Variants in ANKRD27 observed in about 807,000 individuals in gnomAD.
ANKRD27 encodes the protein ankyrin repeat domain-containing protein 27.
ANKRD27 carries 112 observed loss-of-function variants against 129.7 expected under a neutral mutation model. The ratio of observed to expected loss-of-function variants is 0.86; its 90% CI spans 0.74 to 1.01. ANKRD27 has a LOEUF of 1.01. Among genes scored for constraint, ANKRD27 ranks in the 50% least tolerant of loss-of-function variants. The pLI is 0.00. For missense variants in ANKRD27, 1,258 were observed against 1,300.5 expected (o/e 0.97, Z 0.50); for synonymous variants, 516 against 511.2 (o/e 1.01, Z -0.13).
intron 23 of ANKRD27, among the ~76,000 whole-genome samples, chr19:32,607,043 G>A (rs982419806): frequency 6.7e-6 from 1 of 149,694 alleles, no homozygotes; most frequent in Non-Finnish European, 1.5e-5. Context: ...GCTGAGATGG[G>A]AGGATTGTTT....
At chr19:32,670,145 G>C (rs1313312908) in intron 1 of ANKRD27, among the ~76,000 whole-genome samples, 1 of 152,182 alleles carries the variant, frequency 6.6e-6, no homozygotes, top group Non-Finnish European at 1.5e-5. Context: ...AAAACATGCA[G>C]GTCACATGCA....
chr19:32,631,271 G>C, intron 13 of ANKRD27, 131 bp downstream of exon 13: 2 of 776,898 alleles, frequency 2.6e-6, no homozygotes, highest in Non-Finnish European at 4.3e-6. Flanking sequence ...CACCCACCTC[G>C]GCCTCCCAAA....
chr19:32,598,261 G>A lies in ANKRD27; in HGVS notation c.3037C>T (p.Pro1013Ser). ...CTCCGCAGCATCCGTCTGTGTCCAG[G>A]GCCAGTCTGTGTCAGTCCAGGCCTC... The part of the protein sequence containing the change: ...PERPGLTQTG[P>S]GHRRMLRRHT... The change falls in exon 29 of 29, where the codon CCT (proline) becomes TCT (serine). Residue 1013 changes from proline to serine, a missense_variant. Pro to Ser is a moderately conservative substitution (Grantham distance 74, BLOSUM62 -1). Coordinates refer to ENST00000306065, the MANE Select transcript of ANKRD27 (RefSeq NM_032139.3). 1 of 1,614,134 alleles carries A rather than the reference G, an allele frequency of 6.2e-7. No homozygotes were observed. Among genetic ancestry groups the A allele is most frequent in the Non-Finnish European group, 8.5e-7 (1 of 1,180,032 alleles).
chr19:32,666,330 C>T (rs1245872381), intron 1 of ANKRD27: 1 of 152,206 alleles, frequency 6.6e-6, no homozygotes, highest in African/African-American at 2.4e-5. Context: ...TGGAACACAC[C>T]TACCACTACC....
At chr19:32,635,423 C>T (rs35256798) in intron 12 of ANKRD27, among the ~76,000 whole-genome samples, 3,650 of 152,314 alleles carry the variant, frequency 0.024, 68 homozygotes, top group East Asian at 0.11. Context: ...GATCTGCACA[C>T]ACGCATAGGT....
At position 32,619,479 on chromosome 19, in the gene ANKRD27, G is replaced by A. The variant is rs1971974876; in HGVS notation, c.1887+15C>T. 6.2e-7 allele frequency: 1 copy of A among 1,614,096 alleles called. No homozygotes were observed. The highest frequency in any genetic ancestry group is 8.5e-7 in the Non-Finnish European group (1 of 1,180,020). ...TCTCCAAGGTAACCTGACCTGCTCA[G>A]CCCGGCTGACTTACCTCGGACGACT... On this transcript the variant is annotated intron_variant, in intron 19 of 28. Coordinates refer to ENST00000306065, the MANE Select transcript of ANKRD27 (RefSeq NM_032139.3).
intron 2 of ANKRD27, among the ~76,000 whole-genome samples, chr19:32,650,626 G>C (rs1037362681): frequency 1.4e-5 from 2 of 145,536 alleles, no homozygotes; most frequent in Non-Finnish European, 1.5e-5. Flanking sequence ...AGTGAGTTGA[G>C]ATCACATGAT....
chr19:32,638,621 G>T, intron 12 of ANKRD27: 1 of 152,846 alleles, frequency 6.5e-6, no homozygotes, highest in South Asian at 2.0e-4. Flanking sequence ...CCAGGGCTAT[G>T]ACACCCTCTT....
At chr19:32,612,055 G>A (rs1354164115) in intron 22 of ANKRD27, among the ~76,000 whole-genome samples, 1 of 152,040 alleles carries the variant, frequency 6.6e-6, no homozygotes, top group Non-Finnish European at 1.5e-5. Context: ...TCTTAGTATG[G>A]GACATACACA....
chr19:32,658,524 G>A (rs1568418890), intron 2 of ANKRD27, among the ~76,000 whole-genome samples: 1 of 152,186 alleles, frequency 6.6e-6, no homozygotes, highest in Non-Finnish European at 1.5e-5. Flanking sequence ...ATGAGGGTGA[G>A]CACCCACCTC....
chr19:32,604,442 A>G lies in ANKRD27; in HGVS notation c.2494-18T>C. 2 of 1,584,900 alleles carry G rather than the reference A, an allele frequency of 1.3e-6. No homozygotes were observed. The highest frequency in any genetic ancestry group is 8.6e-7 in the Non-Finnish European group (1 of 1,158,162). Reference sequence around the variant, plus strand: ...GCCCCGTGCTGGAAAGAGAAACCACACGATCAAAAGGAACGCTACGAAACG... The same window carrying G: ...GCCCCGTGCTGGAAAGAGAAACCACGCGATCAAAAGGAACGCTACGAAACG... On this transcript the variant is annotated intron_variant, in intron 24 of 28. Transcript: ENST00000306065.
At chr19:32,654,345 A>T (rs1967479666) in intron 2 of ANKRD27, among the ~76,000 whole-genome samples, 1 of 152,258 alleles carries the variant, frequency 6.6e-6, no homozygotes, top group East Asian at 1.9e-4. Context: ...CCAAAATATT[A>T]AAAATGAAAT....
At chr19:32,599,637 C>T (rs1371015499) in intron 28 of ANKRD27, 67 bp downstream of exon 28, 8 of 1,418,796 alleles carry the variant, frequency 5.6e-6, no homozygotes, top group Admixed American at 1.9e-5. Flanking sequence ...ACGTGTTTAC[C>T]ATGGATTACT....
At chr19:32,671,746 G>C (rs1403060162) in intron 1 of ANKRD27, among the ~76,000 whole-genome samples, 2 of 152,166 alleles carry the variant, frequency 1.3e-5, no homozygotes, top group African/African-American at 4.8e-5. Context: ...AACATGCAAA[G>C]AAAATGGACT....
chr19:32,651,280 G>GC (rs1402742372), intron 2 of ANKRD27, among the ~76,000 whole-genome samples: 2 of 151,908 alleles, frequency 1.3e-5, no homozygotes, highest in African/African-American at 2.4e-5. Context: ...GTCAGAGATG[G>GC]CCCCCCCTCC....
At position 32,627,996 on chromosome 19, in the gene ANKRD27, C is replaced by A. The variant is rs527484383; in HGVS notation, c.1420+87G>T. 474 of 1,244,082 alleles carry A rather than the reference C, an allele frequency of 3.8e-4. 2 individuals are homozygous for A. In the African/African-American group the frequency reaches 6.0e-3, roughly 16 times the overall value. The allele number at this position is 1,244,082 out of a possible 1,614,324, so 77.1% of individuals were successfully genotyped here. ...GCCCCAACTGCCAACCCCCACCCAG[C>A]CCATCAGCCAGGCCTCTCTGCTGGG... On this transcript the variant is annotated intron_variant, in intron 15 of 28. Coordinates refer to ENST00000306065, the MANE Select transcript of ANKRD27 (RefSeq NM_032139.3).
chr19:32,619,633 A>T, intron 18 of ANKRD27, 80 bp from the exon 19 acceptor site: 1 of 1,536,476 alleles, frequency 6.5e-7, no homozygotes, highest in Non-Finnish European at 9.0e-7. Context: ...CACACGCCCC[A>T]CTGCCGGCCT....
chr19:32,663,687 A>C (rs905684153), intron 1 of ANKRD27, among the ~76,000 whole-genome samples: 1 of 152,192 alleles, frequency 6.6e-6, no homozygotes, highest in Admixed American at 6.5e-5. Flanking sequence ...TTACTGTCAC[A>C]TGTGAGAAAT....
intron 16 of ANKRD27, 149 bp downstream of exon 16, chr19:32,626,562 CT>C: frequency 1.7e-6 from 1 of 577,712 alleles, no homozygotes; most frequent in Non-Finnish European, 2.9e-6. Context: ...GACTCCCTGA[CT>C]ACTGCTGCAG....
Sources: allele counts gnomAD v4.1 joint callset (sites outside exome capture counted in the v4.1 genomes callset), GRCh38; gene constraint gnomAD v4.1.1; transcripts MANE v1.5; gene names NCBI Gene and HGNC (gene_info 2026-07-23, HGNC 2026-07-21).